Variants in GALNT7 observed in about 807,000 individuals in gnomAD.
The protein encoded by GALNT7 is polypeptide N-acetylgalactosaminyltransferase 7, also known as N-acetylgalactosaminyltransferase 7.
In GALNT7, 60 loss-of-function variants were observed where a neutral mutation model predicts 82.1. The observed-to-expected ratio is 0.73, with a 90% CI of 0.59 to 0.91. GALNT7 has a LOEUF of 0.91. Ranked by LOEUF, GALNT7 falls within the 40% of genes least tolerant of loss-of-function variation. The probability of loss-of-function intolerance (pLI) is 0.00; values close to 1 mark genes in which losing one functional copy is unlikely to be tolerated. For synonymous variants in GALNT7, 243 were observed against 275.1 expected, an observed-to-expected ratio of 0.88 and a Z score of 1.15; for missense variants, 660 against 804.2, an observed-to-expected ratio of 0.82 and a Z score of 2.17.
chr4:173,178,007 CTGTGTGTGTGTGTGTGTGTGTGTG>C (rs70944437), intron 1 of GALNT7, among the ~76,000 whole-genome samples: 4 of 137,726 alleles, frequency 2.9e-5, no homozygotes, highest in Admixed American at 2.1e-4. Context: ...ATCCGCAAGT[CTGTGTGTGTGTGTGTGTGTGTGTG>C]TGTGTGTGTG....
intron 2 of GALNT7, among the ~76,000 whole-genome samples, chr4:173,266,811 A>G (rs1735510281): frequency 6.6e-6 from 1 of 151,364 alleles, no homozygotes; most frequent in Admixed American, 6.6e-5. Flanking sequence ...GTGGAAGCTA[A>G]AAAATTTGAT....
intron 9 of GALNT7, among the ~76,000 whole-genome samples, chr4:173,315,265 T>G (rs895236394): frequency 2.6e-5 from 4 of 152,082 alleles, no homozygotes; most frequent in African/African-American, 7.2e-5. Context: ...ACATCGAGGT[T>G]GTTTTGAGTA....
intron 2 of GALNT7, among the ~76,000 whole-genome samples, chr4:173,281,640 T>G (rs1048133209): frequency 2.4e-4 from 36 of 152,154 alleles, no homozygotes; most frequent in Admixed American, 2.3e-3. Flanking sequence ...CCAAGTACAC[T>G]TCAGCATGGT....
At chr4:173,169,109 G>C (rs1186538964) in intron 1 of GALNT7, 148 bp downstream of exon 1, 1 of 571,202 alleles carries the variant, frequency 1.8e-6, no homozygotes, top group African/African-American at 2.0e-5. Flanking sequence ...CGGGCCGAGG[G>C]GGTGCCGAGC....
At chr4:173,256,410 G>A (rs530274225) in intron 2 of GALNT7, among the ~76,000 whole-genome samples, 1 of 152,292 alleles carries the variant, frequency 6.6e-6, no homozygotes, top group East Asian at 1.9e-4. Flanking sequence ...CATACGAAAT[G>A]CAAAAATTAG....
intron 1 of GALNT7, among the ~76,000 whole-genome samples, chr4:173,239,233 A>C (rs534142774): frequency 6.6e-6 from 1 of 152,258 alleles, no homozygotes; most frequent in Non-Finnish European, 1.5e-5. Context: ...GTTTTCACTT[A>C]TCTCATTTGG....
intron 1 of GALNT7, among the ~76,000 whole-genome samples, chr4:173,200,450 T>TAA (rs796491883): frequency 1.4e-5 from 2 of 145,546 alleles, no homozygotes; most frequent in Admixed American, 6.9e-5. Context: ...ATTCTACTCT[T>TAA]AAAAAAAAAA....
chr4:173,279,711 G>A (rs922131212), intron 2 of GALNT7, among the ~76,000 whole-genome samples: 3 of 152,086 alleles, frequency 2.0e-5, no homozygotes, highest in African/African-American at 7.2e-5. Flanking sequence ...GGTGGCTCAC[G>A]ACTGTAATCC....
chr4:173,303,928 G>C, intron 7 of GALNT7, 68 bp from the exon 8 acceptor site: 1 of 1,321,062 alleles, frequency 7.6e-7, no homozygotes, highest in Non-Finnish European at 1.1e-6. Flanking sequence ...ACACTTACAA[G>C]ATAAATTTTC....
chr4:173,187,045 C>T (rs922802606), intron 1 of GALNT7, among the ~76,000 whole-genome samples: 4 of 151,984 alleles, frequency 2.6e-5, no homozygotes, highest in South Asian at 2.1e-4. Flanking sequence ...TGTGAGCCAC[C>T]GCACCCGGCC....
In GALNT7 at chr4:173,168,938, C is replaced by T. The variant is rs146537464; in HGVS notation, c.103C>T (p.Pro35Ser). 2.2e-3 allele frequency: 3,485 copies of T among 1,613,672 alleles called. 7 individuals are homozygous for T. Among genetic ancestry groups the T allele is most frequent in the Non-Finnish European group, 2.8e-3 (3,258 of 1,179,800 alleles). ...TTCCCTGACCCCGCGGCCGGACGAC[C>T]CAAGCCCGCTGAGCAGGATGAGGGT... Reference protein sequence around the residue: ...WSSLTPRPDDPSPLSRMREDR... With the variant: ...WSSLTPRPDDSSPLSRMREDR... Residue 35 changes from proline to serine, a missense_variant, in exon 1 of 12, where the codon CCA becomes TCA. Pro to Ser is a moderately conservative substitution (Grantham distance 74). Coordinates refer to ENST00000265000, the MANE Select transcript of GALNT7 (RefSeq NM_017423.3).
chr4:173,169,877 G>A (rs1731796823), intron 1 of GALNT7, among the ~76,000 whole-genome samples: 1 of 152,050 alleles, frequency 6.6e-6, no homozygotes, highest in Non-Finnish European at 1.5e-5. Flanking sequence ...CGCGCCGGCT[G>A]CCGGCTAGCT....
intron 1 of GALNT7, among the ~76,000 whole-genome samples, chr4:173,183,043 A>AACACACACACACCACAC (rs1331023696): frequency 1.2e-4 from 15 of 125,094 alleles, no homozygotes; most frequent in African/African-American, 4.4e-4. Context: ...CACACACATA[A>AACACACACACACCACAC]ACACACACAC....
intron 2 of GALNT7, among the ~76,000 whole-genome samples, chr4:173,288,167 C>A (rs958508784): frequency 1.3e-5 from 2 of 150,204 alleles, no homozygotes; most frequent in Non-Finnish European, 2.9e-5. Context: ...CCTGTAGTCC[C>A]AGCTACTCGG....
At chr4:173,171,486 C>T (rs1254118444) in intron 1 of GALNT7, among the ~76,000 whole-genome samples, 5 of 152,214 alleles carry the variant, frequency 3.3e-5, no homozygotes, top group Non-Finnish European at 5.9e-5. Flanking sequence ...CCCTGTGCCA[C>T]TTTTTGTCTT....
rs558244342 is a variant in GALNT7 at position 173,182,279 on chromosome 4, G to C, written c.126+13318G>C. Among the ~76,000 whole-genome samples, 7 of 152,312 alleles carry C rather than the reference G, an allele frequency of 4.6e-5. 1 individual carries two copies. The highest frequency in any genetic ancestry group is 4.6e-4 in the Admixed American group (7 of 15,298). On this transcript the variant is annotated intron_variant, in intron 1 of 11. Transcript: ENST00000265000. The stretch of plus-strand genomic sequence containing the variant: ...AGTTGTAAGTGTCAGTTAAGGAATA[G>C]ATGCTTTTTTAAATATAGAAAATTA...
chr4:173,286,666 A>C (rs1367182130), intron 2 of GALNT7, among the ~76,000 whole-genome samples: 1 of 152,208 alleles, frequency 6.6e-6, no homozygotes, highest in Non-Finnish European at 1.5e-5. Context: ...GGCTTGCTTT[A>C]GTTGGTTAAA....
intron 2 of GALNT7, among the ~76,000 whole-genome samples, chr4:173,285,669 C>T (rs1422353200): frequency 6.6e-6 from 1 of 152,074 alleles, no homozygotes; most frequent in African/African-American, 2.4e-5. Flanking sequence ...ATTAATTGGC[C>T]TTTTTATAGA....
At chr4:173,298,361 G>T in intron 6 of GALNT7, 64 bp downstream of exon 6, 2 of 1,073,936 alleles carry the variant, frequency 1.9e-6, no homozygotes, top group Non-Finnish European at 2.7e-6. Context: ...TTAACCTCTT[G>T]CCAAGCTAAA....
Sources: allele counts gnomAD v4.1 joint callset (sites outside exome capture counted in the v4.1 genomes callset), GRCh38; gene constraint gnomAD v4.1.1; transcripts MANE v1.5; gene names NCBI Gene and HGNC (gene_info 2026-07-23, HGNC 2026-07-21).